Variants in LRRC7 observed in about 807,000 individuals in gnomAD.
The protein encoded by LRRC7 is leucine rich repeat containing 7.
Under a neutral mutation model 175.7 loss-of-function variants are expected in LRRC7, and 23 were observed. The ratio of observed to expected loss-of-function variants is 0.13; its 90% CI spans 0.09 to 0.19. LRRC7 has a LOEUF of 0.19. Among genes scored for constraint, LRRC7 ranks in the 10% least tolerant of loss-of-function variants. The pLI is 1.00. For missense variants in LRRC7, 1,354 were observed against 1,904.7 expected (o/e 0.71, Z 5.38); for synonymous variants, 685 against 680.9 (o/e 1.01, Z -0.09).
intron 1 of LRRC7, among the ~76,000 whole-genome samples, chr1:69,667,584 A>G (rs1185675582): frequency 1.3e-5 from 2 of 152,120 alleles, no homozygotes; most frequent in Non-Finnish European, 2.9e-5. Context: ...TATACTATTC[A>G]TCCTGAAATA....
intron 25 of LRRC7, among the ~76,000 whole-genome samples, chr1:70,104,121 G>A (rs1664986351): frequency 6.6e-6 from 1 of 152,104 alleles, no homozygotes; most frequent in African/African-American, 2.4e-5. Flanking sequence ...TTGGAAGTTA[G>A]GAGATAGCTT....
chr1:69,686,491 G>T (rs1393499688), intron 2 of LRRC7, among the ~76,000 whole-genome samples: 1 of 152,080 alleles, frequency 6.6e-6, no homozygotes, highest in Non-Finnish European at 1.5e-5. Flanking sequence ...ATTGATATAA[G>T]GTTTCTCTAC....
intron 8 of LRRC7, among the ~76,000 whole-genome samples, chr1:69,973,642 T>C (rs1490300340): frequency 6.6e-6 from 1 of 152,224 alleles, no homozygotes; most frequent in Non-Finnish European, 1.5e-5. Context: ...TTGCCCAGGC[T>C]GGAGTGCAGT....
At chr1:69,777,478 C>A (rs1672941403) in intron 3 of LRRC7, among the ~76,000 whole-genome samples, 1 of 152,164 alleles carries the variant, frequency 6.6e-6, no homozygotes. Flanking sequence ...ATTCTCAGTG[C>A]CACAGTGAAG....
intron 1 of LRRC7, among the ~76,000 whole-genome samples, chr1:69,632,551 T>C (rs1281554787): frequency 2.6e-5 from 4 of 152,266 alleles, no homozygotes; most frequent in Admixed American, 6.5e-5. Context: ...CCCTTTAACG[T>C]CTTTTAGTAC....
intron 7 of LRRC7, among the ~76,000 whole-genome samples, chr1:69,900,412 T>C (rs1219202993): frequency 6.6e-6 from 1 of 152,250 alleles, no homozygotes; most frequent in Non-Finnish European, 1.5e-5. Context: ...TTCTTCTTTG[T>C]ATTCTAGGAT....
At chr1:69,749,343 A>G (rs1292704779) in intron 2 of LRRC7, among the ~76,000 whole-genome samples, 3 of 152,132 alleles carry the variant, frequency 2.0e-5, no homozygotes, top group African/African-American at 7.2e-5. Context: ...TGTTACAATG[A>G]CTGTAATAAT....
intron 1 of LRRC7, among the ~76,000 whole-genome samples, chr1:69,672,006 T>TA (rs869208740): frequency 7.2e-5 from 11 of 152,280 alleles, no homozygotes; most frequent in African/African-American, 2.4e-4. Context: ...GAAGGCACTT[T>TA]AAAAAAATTT....
chr1:69,899,321 CCAGCTACCAGCTGTTCG>C (rs1388922042), intron 7 of LRRC7, among the ~76,000 whole-genome samples: 1 of 152,170 alleles, frequency 6.6e-6, no homozygotes, highest in African/African-American at 2.4e-5. Flanking sequence ...TGTAACCAGA[CCAGCTACCAGCTGTTCG>C]CTGTCAGAGA....
intron 7 of LRRC7, among the ~76,000 whole-genome samples, chr1:69,859,370 A>G (rs1424444106): frequency 6.6e-6 from 1 of 152,106 alleles, no homozygotes; most frequent in Non-Finnish European, 1.5e-5. Flanking sequence ...CAACTTTTCT[A>G]GCACATTATT....
At chr1:70,082,792 T>TTTTTTTTTTTTTTTTTTTTTTTTTTC in intron 24 of LRRC7, among the ~76,000 whole-genome samples, 1 of 103,930 alleles carries the variant, frequency 9.6e-6, no homozygotes, top group Non-Finnish European at 1.9e-5. Context: ...TTTTTTTTTT[T>TTTTTTTTTTTTTTTTTTTTTTTTTTC]TTTTTTTTTT....
At chr1:69,825,352 A>C (rs574160066) in intron 4 of LRRC7, among the ~76,000 whole-genome samples, 1 of 152,284 alleles carries the variant, frequency 6.6e-6, no homozygotes, top group Non-Finnish European at 1.5e-5. Flanking sequence ...TTGGAAGTAA[A>C]GATTTTATCT....
chr1:70,072,578 A>ACTGCTGCTGCTGCTGCTGCTGCTG lies in LRRC7; in HGVS notation c.4231-3481_4231-3458dup, dbSNP rs6143270. Among the ~76,000 whole-genome samples, 78 of 150,724 alleles carry ACTGCTGCTGCTGCTGCTGCTGCTG rather than the reference A, an allele frequency of 5.2e-4. 2 individuals carry two copies. Among genetic ancestry groups the ACTGCTGCTGCTGCTGCTGCTGCTG allele is most frequent in the Admixed American group, 4.6e-3 (70 of 15,080 alleles). ...GCCTATAGCCCAAGAGAGACAAAAA[A>ACTGCTGCTGCTGCTGCTGCTGCTG]CTGCTGCTGCTGCTGCTGCTGCTGC... On this transcript the variant is annotated intron_variant, in intron 23 of 26. Coordinates refer to ENST00000651989, the MANE Select transcript of LRRC7 (RefSeq NM_001370785.2).
intron 1 of LRRC7, 103 bp downstream of exon 1, chr1:69,568,744 G>C: frequency 2.6e-6 from 2 of 762,854 alleles, no homozygotes; most frequent in Non-Finnish European, 1.7e-6. Context: ...GGCCGGGGGC[G>C]GGGGTGGCAG....
intron 3 of LRRC7, among the ~76,000 whole-genome samples, chr1:69,775,890 T>C (rs1672754187): frequency 6.6e-6 from 1 of 152,170 alleles, no homozygotes; most frequent in Admixed American, 6.5e-5. Flanking sequence ...CCCCAGATTA[T>C]GAGAAATGAT....
In LRRC7 at chr1:69,677,527, C is replaced by A. The variant is rs528854260; in HGVS notation, c.3-854C>A. Among the ~76,000 whole-genome samples, 5 of 151,944 alleles carry A rather than the reference C, an allele frequency of 3.3e-5. No homozygotes were observed. The East Asian group carries it at 9.7e-4, about 29-fold the overall frequency. The stretch of plus-strand genomic sequence containing the variant: ...CATAGAGAGTATACTAGTTTACATT[C>A]CCAACAGCAGTGTATAAGTGTTCCT... On this transcript the variant is annotated intron_variant, in intron 1 of 26. Coordinates refer to ENST00000651989, the MANE Select transcript of LRRC7 (RefSeq NM_001370785.2).
At chr1:69,690,587 T>C (rs1661732096) in intron 2 of LRRC7, among the ~76,000 whole-genome samples, 2 of 152,290 alleles carry the variant, frequency 1.3e-5, no homozygotes, top group African/African-American at 2.4e-5. Context: ...ATTCCTTCCT[T>C]ATGAAAGCTT....
intron 1 of LRRC7, among the ~76,000 whole-genome samples, chr1:69,665,318 T>G (rs896408476): frequency 1.3e-5 from 2 of 152,126 alleles, no homozygotes; most frequent in South Asian, 4.1e-4. Context: ...AATTTTAAAA[T>G]TGTTTTTTCT....
At chr1:69,810,220 G>A (rs1218659789) in intron 4 of LRRC7, among the ~76,000 whole-genome samples, 1 of 152,106 alleles carries the variant, frequency 6.6e-6, no homozygotes, top group South Asian at 2.1e-4. Context: ...TACAAGGAAT[G>A]TGAAGGACCT....
Sources: allele counts gnomAD v4.1 joint callset (sites outside exome capture counted in the v4.1 genomes callset), GRCh38; gene constraint gnomAD v4.1.1; transcripts MANE v1.5; gene names NCBI Gene and HGNC (gene_info 2026-07-23, HGNC 2026-07-21).